The following KRT7 variants were observed in gnomAD, a reference collection of about 807,000 sequenced individuals.
KRT7 encodes keratin 7, also known as keratin, type II cytoskeletal 7.
KRT7 carries 50 observed loss-of-function variants against 42.8 expected under a neutral mutation model. The ratio of observed to expected loss-of-function variants is 1.17; its 90% CI spans 0.93 to 1.48. The LOEUF (loss-of-function observed/expected upper bound fraction) is 1.48. Among genes scored for constraint, KRT7 ranks in the 40% most tolerant of loss-of-function variants. The pLI is 0.00. For missense variants in KRT7, 588 were observed against 637.6 expected (o/e 0.92, Z 0.84); for synonymous variants, 268 against 266.3 (o/e 1.01, Z -0.06).
At chr12:52,245,775 T>TA in intron 7 of KRT7, 143 bp downstream of exon 7, 1 of 1,062,156 alleles carries the variant, frequency 9.4e-7, no homozygotes, top group Non-Finnish European at 1.3e-6. Flanking sequence ...ACAGAGCTGA[T>TA]GCTTGCCTCT....
At chr12:52,245,869 T>C in intron 7 of KRT7, 1 of 575,626 alleles carries the variant, frequency 1.7e-6, no homozygotes, top group South Asian at 2.2e-5. Context: ...AACAGTCCCT[T>C]TGTGTGTGCG....
intron 4 of KRT7, among the ~76,000 whole-genome samples, chr12:52,240,503 G>A (rs1942072864): frequency 6.6e-6 from 1 of 152,022 alleles, no homozygotes; most frequent in Admixed American, 6.6e-5. Context: ...GGTGGCGGGT[G>A]CCTGTAATCC....
chr12:52,252,529 G>T, downstream of KRT7: 1 of 1,601,664 alleles, frequency 6.2e-7, no homozygotes, highest in Non-Finnish European at 8.5e-7. Context: ...TGGCTTCAGG[G>T]TCAGAGGCCA....
intron 1 of KRT7, 78 bp downstream of exon 1, chr12:52,233,698 C>G: frequency 1.4e-6 from 2 of 1,451,646 alleles, no homozygotes. Context: ...CCTGCCTGCG[C>G]GCGGGCCAGG....
At chr12:52,250,463 C>T (rs1344247121), downstream of KRT7, 8 of 569,012 alleles carry the variant, frequency 1.4e-5, no homozygotes, top group East Asian at 3.5e-5. Flanking sequence ...CAAAGTGGGG[C>T]GCTCAGGCGA....
chr12:52,239,572 C>T (rs1942056989), intron 4 of KRT7, among the ~76,000 whole-genome samples: 1 of 152,052 alleles, frequency 6.6e-6, no homozygotes, highest in Admixed American at 6.5e-5. Context: ...CAGGATTGAC[C>T]TTGGAGAGAC....
downstream of KRT7, among the ~76,000 whole-genome samples, chr12:52,249,735 C>A (rs934362974): frequency 6.6e-6 from 1 of 152,036 alleles, no homozygotes; most frequent in African/African-American, 2.4e-5. Context: ...ACAGGGAGGT[C>A]TCTGTGTCTG....
At chr12:52,244,913 A>G (rs79653484) in intron 6 of KRT7, 3,435 of 168,426 alleles carry the variant, frequency 0.02, 129 homozygotes, top group African/African-American at 0.078. Flanking sequence ...TTCCTATTTT[A>G]TAGGTGGTTT....
chr12:52,233,598 A>G lies in KRT7; in HGVS notation c.302A>G (p.Lys101Arg). The change falls in exon 1 of 9, where the codon AAG becomes AGG. Residue 101 changes from lysine (K) to arginine (R), a missense_variant. By Grantham distance (26) the Lys-to-Arg change is conservative. Coordinates refer to ENST00000331817, the MANE Select transcript of KRT7 (RefSeq NM_005556.4). ...GAGCAGATCAAGACCCTCAACAACA[A>G]GTTTGCCTCCTTCATCGACAAGGTG... ...ESEQIKTLNN[K>R]FASFIDKVRF... 6.2e-7 allele frequency: 1 copy of G among 1,612,600 alleles called. No homozygotes were observed.
chr12:52,255,476 AAC>A, downstream of KRT7: 1 of 455,250 alleles, frequency 2.2e-6, no homozygotes, highest in Non-Finnish European at 4.4e-6. Flanking sequence ...GGCACAGGCA[AAC>A]ACATTCCGGG....
intron 1 of KRT7, 74 bp downstream of exon 1, chr12:52,233,694 T>G: frequency 6.8e-7 from 1 of 1,475,960 alleles, no homozygotes. Context: ...TAGCCCTGCC[T>G]GCGCGCGGGC....
chr12:52,253,669 T>C, downstream of KRT7: 2 of 1,485,952 alleles, frequency 1.3e-6, no homozygotes, highest in Non-Finnish European at 1.8e-6. Context: ...TGAGCTTTGA[T>C]CTCAGTGATG....
chr12:52,242,555 A>C (rs958124690), intron 5 of KRT7, among the ~76,000 whole-genome samples: 1 of 152,152 alleles, frequency 6.6e-6, no homozygotes, highest in East Asian at 1.9e-4. Context: ...AGAGTCATTC[A>C]TGGTGCCTGG....
At position 52,248,646 on chromosome 12, in the gene KRT7, C is replaced by T. The variant is rs73317421; in HGVS notation, c.1296C>T (p.Leu432=). ...GTGGCGGTGGCATTGGGCTGACCCT[C>T]GGGGGAACCATGGGCAGCAATGCCC... ...SSSGGGIGLT[L]GGTMGSNALS... The change falls in exon 9 of 9, where the codon CTC becomes CTT. Residue 432 remains leucine (L), a synonymous_variant. Transcript: ENST00000331817. 3.4e-3 allele frequency: 5,444 copies of T among 1,611,812 alleles called. 173 individuals are homozygous for T. The African/African-American group carries it at 0.064, about 19-fold the overall frequency.
Position 52,238,784 on chromosome 12 carries a change from C to G in KRT7, c.693+9C>G, listed in dbSNP as rs1175762370. ...GGACCCTCAATGAGACGGTGAGGACCATGGAGCTGGGTGACATGTCTTATC... is the reference window on the plus strand; with the variant it reads ...GGACCCTCAATGAGACGGTGAGGACGATGGAGCTGGGTGACATGTCTTATC... On this transcript the variant is annotated intron_variant, in intron 4 of 8. Coordinates refer to ENST00000331817, the MANE Select transcript of KRT7 (RefSeq NM_005556.4). 2 of 1,567,418 alleles carry G rather than the reference C, an allele frequency of 1.3e-6. No homozygotes were observed. Among genetic ancestry groups the G allele is most frequent in the Admixed American group, 1.7e-5 (1 of 59,972 alleles).
intron 2 of KRT7, 75 bp from the exon 3 acceptor site, chr12:52,237,434 C>T (rs1942025404): frequency 1.9e-6 from 2 of 1,080,816 alleles, no homozygotes; most frequent in East Asian, 2.6e-5. Context: ...GCAGATTTCA[C>T]AGCTGCATAT....
chr12:52,253,776 TG>T, downstream of KRT7: 1 of 788,918 alleles, frequency 1.3e-6, no homozygotes. Flanking sequence ...CTGCAGGAGA[TG>T]GGGAGTGGCA....
chr12:52,234,374 A>G (rs1368938873), intron 1 of KRT7, among the ~76,000 whole-genome samples: 1 of 152,206 alleles, frequency 6.6e-6, no homozygotes, highest in African/African-American at 2.4e-5. Flanking sequence ...GAGTGCTGCC[A>G]AAGCCAGGAA....
Position 52,243,157 on chromosome 12 carries a change from C to A in KRT7, c.984+20C>A. 1.2e-6 allele frequency: 2 copies of A among 1,601,606 alleles called. No homozygotes were observed. The highest frequency in any genetic ancestry group is 1.7e-5 in the Admixed American group (1 of 59,002). On this transcript the variant is annotated intron_variant, in intron 6 of 8. Transcript: ENST00000331817. ...AACCAGGTGGGACAAGTCCTCCTGG[C>A]TTCCCCTGCTACTTGGGGCATGCAG...
Sources: gnomAD v4.1 joint callset for allele counts (sites outside exome capture counted in the v4.1 genomes callset) on GRCh38, gnomAD v4.1.1 for gene constraint, MANE v1.5 for transcripts, NCBI Gene and HGNC (gene_info 2026-07-23, HGNC 2026-07-21) for gene names.